EVI5: variants seen among roughly 807,000 people sequenced by gnomAD.
EVI5 encodes the protein ecotropic viral integration site 5 protein homolog.
In EVI5, 73 loss-of-function variants were observed where a neutral mutation model predicts 112.0. That is an observed-to-expected ratio of 0.65 (90% CI 0.54 to 0.79). EVI5 has a LOEUF of 0.79. Ranked by LOEUF, EVI5 falls within the 30% of genes least tolerant of loss-of-function variation. The probability of loss-of-function intolerance (pLI) is 0.00; values close to 1 mark genes in which losing one functional copy is unlikely to be tolerated. For synonymous variants in EVI5, 305 were observed against 319.9 expected (o/e 0.95, Z 0.50); for missense variants, 900 against 968.8 (o/e 0.93, Z 0.94).
At chr1:92,557,544 C>T (rs1427542143) in intron 19 of EVI5, among the ~76,000 whole-genome samples, 3 of 151,992 alleles carry the variant, frequency 2.0e-5, no homozygotes, top group Non-Finnish European at 4.4e-5. Context: ...GATGATCTGC[C>T]TGCCGCAGCC....
chr1:92,632,031 C>A (rs1657267138), intron 14 of EVI5, among the ~76,000 whole-genome samples: 1 of 110,160 alleles, frequency 9.1e-6, no homozygotes, highest in African/African-American at 3.7e-5. Flanking sequence ...GGATGAAGCC[C>A]ACTTGATCAT....
chr1:92,568,162 C>T (rs571521173), intron 18 of EVI5, among the ~76,000 whole-genome samples: 41 of 151,888 alleles, frequency 2.7e-4, no homozygotes, highest in African/African-American at 9.9e-4. Context: ...TGCTTGAGCC[C>T]ACGAGTTCAA....
At chr1:92,646,070 C>A (rs67026262) in intron 13 of EVI5, among the ~76,000 whole-genome samples, 10 of 152,048 alleles carry the variant, frequency 6.6e-5, no homozygotes, top group Admixed American at 6.6e-4. Context: ...GGACTTTACA[C>A]GTTCTCCCAT....
At chr1:92,695,228 A>T in intron 7 of EVI5, 82 bp downstream of exon 7, 1 of 1,171,960 alleles carries the variant, frequency 8.5e-7, no homozygotes, top group Non-Finnish European at 1.2e-6. Flanking sequence ...GCTTTCCTTC[A>T]TTGCTCTCCT....
intron 14 of EVI5, among the ~76,000 whole-genome samples, chr1:92,629,955 T>C (rs139027269): frequency 0.015 from 2,302 of 152,190 alleles, 31 homozygotes; most frequent in South Asian, 0.036. Context: ...CTGAGAATGA[T>C]GGTTTCCAGC....
At chr1:92,771,695 C>A (rs1225205618) in intron 1 of EVI5, among the ~76,000 whole-genome samples, 1 of 151,812 alleles carries the variant, frequency 6.6e-6, no homozygotes, top group Non-Finnish European at 1.5e-5. Context: ...CAATCTCCAC[C>A]TCCCAAGGTT....
intron 19 of EVI5, among the ~76,000 whole-genome samples, chr1:92,536,885 G>C (rs370301242): frequency 3.9e-5 from 6 of 151,994 alleles, no homozygotes; most frequent in African/African-American, 1.2e-4. Context: ...TTAAAGAGAC[G>C]TAACAAGTTA....
At chr1:92,547,844 G>A (rs1426143871) in intron 19 of EVI5, among the ~76,000 whole-genome samples, 1 of 152,188 alleles carries the variant, frequency 6.6e-6, no homozygotes, top group Non-Finnish European at 1.5e-5. Flanking sequence ...CTGAAATTGA[G>A]GCAATAATTA....
intron 19 of EVI5, among the ~76,000 whole-genome samples, chr1:92,552,723 C>T (rs1245816895): frequency 1.3e-5 from 2 of 152,172 alleles, no homozygotes; most frequent in Non-Finnish European, 2.9e-5. Flanking sequence ...TCCTAGAAAT[C>T]TCTTAACAAA....
At chr1:92,736,984 T>C (rs538473768) in intron 1 of EVI5, among the ~76,000 whole-genome samples, 1 of 152,314 alleles carries the variant, frequency 6.6e-6, no homozygotes, top group South Asian at 2.1e-4. Flanking sequence ...TGTATGTATA[T>C]GGGTGTATTG....
At chr1:92,726,538 T>C (rs1421850726) in intron 2 of EVI5, among the ~76,000 whole-genome samples, 1 of 152,132 alleles carries the variant, frequency 6.6e-6, no homozygotes, top group Non-Finnish European at 1.5e-5. Context: ...TCATCACCAA[T>C]ACCACCAACT....
intron 10 of EVI5, among the ~76,000 whole-genome samples, chr1:92,674,744 A>T (rs1041874834): frequency 6.6e-6 from 1 of 152,084 alleles, no homozygotes; most frequent in African/African-American, 2.4e-5. Flanking sequence ...TATGAAGTTT[A>T]AAAAAAGTAT....
intron 1 of EVI5, chr1:92,756,480 GACT>G: frequency 1.9e-6 from 1 of 539,248 alleles, no homozygotes; most frequent in Admixed American, 1.9e-5. Context: ...TGGCCTACAA[GACT>G]ACATCATTAC....
chr1:92,778,991 C>T (rs970487313), intron 1 of EVI5, among the ~76,000 whole-genome samples: 2 of 151,726 alleles, frequency 1.3e-5, no homozygotes. Context: ...TTTTAATTCT[C>T]CATGTGATTA....
At chr1:92,778,273 C>G (rs1408963825) in intron 1 of EVI5, among the ~76,000 whole-genome samples, 2 of 152,018 alleles carry the variant, frequency 1.3e-5, no homozygotes, top group African/African-American at 2.4e-5. Context: ...GCCATAGATT[C>G]CTCAAAAGGC....
At chr1:92,661,875 A>G (rs1422795449) in intron 13 of EVI5, among the ~76,000 whole-genome samples, 1 of 152,128 alleles carries the variant, frequency 6.6e-6, no homozygotes, top group Admixed American at 6.5e-5. Context: ...GATTAACACA[A>G]CTTCTTCTGC....
At chr1:92,777,263 T>G (rs1684267867) in intron 1 of EVI5, among the ~76,000 whole-genome samples, 1 of 152,270 alleles carries the variant, frequency 6.6e-6, no homozygotes, top group South Asian at 2.1e-4. Flanking sequence ...TTAATAAATT[T>G]TATTATATAT....
intron 19 of EVI5, among the ~76,000 whole-genome samples, chr1:92,561,117 A>G (rs1668459653): frequency 6.6e-6 from 1 of 152,182 alleles, no homozygotes; most frequent in Admixed American, 6.5e-5. Flanking sequence ...GGCTGCTAAA[A>G]GCCTTAGAGC....
chr1:92,778,428 G>T (rs1406816428), intron 1 of EVI5, among the ~76,000 whole-genome samples: 2 of 152,098 alleles, frequency 1.3e-5, no homozygotes, highest in Non-Finnish European at 2.9e-5. Context: ...CTTCTCAAGA[G>T]GGTAAACCAT....
Sources: allele counts gnomAD v4.1 joint callset (sites outside exome capture counted in the v4.1 genomes callset), GRCh38; gene constraint gnomAD v4.1.1; transcripts MANE v1.5; gene names NCBI Gene and HGNC (gene_info 2026-07-23, HGNC 2026-07-21).